Variants in TEP1 observed in about 807,000 individuals in gnomAD.
TEP1 encodes telomerase protein component 1.
A neutral mutation model predicts 306.3 loss-of-function variants in TEP1; 241 were observed. The ratio of observed to expected loss-of-function variants is 0.79; its 90% CI spans 0.71 to 0.88. TEP1 has a LOEUF of 0.88. Among genes scored for constraint, TEP1 ranks in the 40% least tolerant of loss-of-function variants. The pLI, the probability that TEP1 is intolerant of heterozygous loss-of-function variation, is 0.00. For synonymous variants in TEP1, 1,289 were observed against 1,305.5 expected (o/e 0.99, Z 0.27); for missense variants, 3,051 against 3,276.1 (o/e 0.93, Z 1.68).
intron 41 of TEP1, 65 bp downstream of exon 41, chr14:20,377,215 T>TAAAA: frequency 3.5e-6 from 4 of 1,133,512 alleles, no homozygotes; most frequent in Non-Finnish European, 4.8e-6. Context: ...AGCTCTGTCT[T>TAAAA]AAAAAAAAAA....
At position 20,366,229 on chromosome 14, in the gene TEP1, T is replaced by C. The variant is rs11555905; in HGVS notation, c.*2208A>G. 1 of 152,234 alleles carries C rather than the reference T, an allele frequency of 6.6e-6. No homozygotes were observed. The highest frequency in any genetic ancestry group is 1.5e-5 in the Non-Finnish European group (1 of 68,032). The allele number at this position is 152,234 out of a possible 1,614,324, so 9.4% of individuals were successfully genotyped here. A position where few individuals can be genotyped will look rare whatever the true frequency, so the allele number is the denominator to read the frequency against. ...TGGTCAAGTTAGCCTTTGCTTAACT[T>C]TCCCCAACCCCTTCACTCCAGCCTT... is the stretch of plus-strand genomic sequence containing the variant. On this transcript the variant is annotated 3_prime_UTR_variant, in exon 55 of 55. Transcript: ENST00000262715.
chr14:20,377,947 A>T, intron 39 of TEP1, 77 bp downstream of exon 39: 1 of 1,549,192 alleles, frequency 6.5e-7, no homozygotes, highest in African/African-American at 1.4e-5. Context: ...TCGACAAAGG[A>T]CCCCCACCCC....
At position 20,384,519 on chromosome 14, in the gene TEP1, A is replaced by G; in HGVS notation, c.3222-11T>C. On this transcript the variant is annotated splice_polypyrimidine_tract_variant and intron_variant, in intron 22 of 54. Transcript: ENST00000262715. ...CACTCACAGGGGTATCTGTGGGCAA[A>G]TCAAGCACAACCAGGTCAGAGCAGG... The G allele has an allele frequency of 6.2e-7, 1 of 1,613,972 alleles. No individual in the cohort carries two copies. Among genetic ancestry groups the G allele is most frequent in the South Asian group, 1.1e-5 (1 of 91,070 alleles).
intron 9 of TEP1, among the ~76,000 whole-genome samples, chr14:20,398,181 C>T (rs1249435201): frequency 1.3e-5 from 2 of 151,788 alleles, no homozygotes; most frequent in Non-Finnish European, 2.9e-5. Flanking sequence ...AGATCAAGAC[C>T]ATCCTCGCTA....
In TEP1 at chr14:20,383,876, C is replaced by A. The variant is rs537255870; in HGVS notation, c.3577G>T (p.Val1193Leu). The stretch of plus-strand genomic sequence containing the variant: ...AAGTGGAAGAAGACTAATGATGCCA[C>A]CTTGGCCCCATCAGGAGCCTGCAGG... ...SALQAPDGAK[V>L]ASLVFFHFSG... Residue 1193 changes from valine to leucine, a missense_variant, in exon 25 of 55, where the codon GTG (valine) becomes TTG (leucine). Physicochemically the swap from Val to Leu is conservative, Grantham distance 32. Transcript: ENST00000262715. 1 of 1,601,870 alleles carries A rather than the reference C, an allele frequency of 6.2e-7. No homozygotes were observed. Among genetic ancestry groups the A allele is most frequent in the African/African-American group, 1.3e-5 (1 of 75,032 alleles).
At position 20,368,367 on chromosome 14, in the gene TEP1, A is replaced by G. The variant is rs574994014; in HGVS notation, c.*70T>C. The G allele has an allele frequency of 3.1e-5, 46 of 1,497,574 alleles. No individual in the cohort carries two copies. In the East Asian group the frequency reaches 1.1e-3, roughly 35 times the overall value. 92.8% of individuals were successfully genotyped at this position (1,497,574 alleles called of 1,614,324 possible). On this transcript the variant is annotated 3_prime_UTR_variant, in exon 55 of 55. Transcript: ENST00000262715. ...GAAATTATTAATTTTATAATTATTA[A>G]AAGCTACCAGTGTCTTCAGGCTTTG...
chr14:20,403,413 T>C lies in TEP1; in HGVS notation c.1230A>G (p.Pro410=). The stretch of plus-strand genomic sequence containing the variant: ...CTTCTCTGAGAAACCCTATGTACCT[T>C]GGAAAACATCTGTGAGAAAATGGAG... The part of the protein sequence containing the change: ...MEPPFSHRCF[P]RYIGFLREEQ... The change falls in exon 7 of 55, where the codon CCA becomes CCG. Residue 410 remains proline (P), a synonymous_variant. Transcript: ENST00000262715. The C allele has an allele frequency of 6.2e-7, 1 of 1,614,104 alleles. No individual in the cohort carries two copies.
intron 1 of TEP1, 63 bp from the exon 2 acceptor site, chr14:20,408,526 G>A: frequency 7.7e-7 from 1 of 1,303,018 alleles, no homozygotes; most frequent in Non-Finnish European, 1.0e-6. Context: ...TTGCATGAGA[G>A]CATATCTTCC....
In TEP1 at chr14:20,387,955, C is replaced by A; in HGVS notation, c.2634G>T (p.Arg878=). ...PPGKTGVQSL[R]PLEEDTPSPL... is the part of the protein sequence containing the mutation. Reference sequence around the variant, plus strand: ...GGCTTGGAGTGTCCTCTTCCAGTGGCCGGAGAGACTGGACCCCTGTCTTTC... The same window carrying A: ...GGCTTGGAGTGTCCTCTTCCAGTGGACGGAGAGACTGGACCCCTGTCTTTC... The change falls in exon 18 of 55, where the codon CGG becomes CGT. Residue 878 remains arginine (R), a synonymous_variant. Coordinates refer to ENST00000262715, the MANE Select transcript of TEP1 (RefSeq NM_007110.5). 1 of 1,613,980 alleles carries A rather than the reference C, an allele frequency of 6.2e-7. No homozygotes were observed. The highest frequency in any genetic ancestry group is 8.5e-7 in the Non-Finnish European group (1 of 1,179,970).
At chr14:20,377,545 C>A in intron 40 of TEP1, 53 bp from the exon 41 acceptor site, 3 of 1,612,536 alleles carry the variant, frequency 1.9e-6, no homozygotes, top group East Asian at 2.2e-5. Flanking sequence ...GGGTAGGGGG[C>A]AGGGGCTGCG....
chr14:20,386,304 G>T, intron 19 of TEP1, 109 bp from the exon 20 acceptor site: 1 of 1,593,844 alleles, frequency 6.3e-7, no homozygotes, highest in South Asian at 1.1e-5. Context: ...GTAAAGAAAA[G>T]GTAGGCTGCT....
intron 49 of TEP1, among the ~76,000 whole-genome samples, chr14:20,372,372 G>A (rs1412307637): frequency 1.2e-5 from 1 of 82,654 alleles, no homozygotes; most frequent in African/African-American, 3.9e-5. Context: ...ATGTGTGTGT[G>A]TGTGTGTATG....
At position 20,377,738 on chromosome 14, in the gene TEP1, C is replaced by T; in HGVS notation, c.5737G>A (p.Gly1913Arg). ...GEDGKVQVWS[G>R]SLGRPRGHLG... Reference sequence around the variant, plus strand: ...TGCCCACGGGGCCGACCCAGAGACCCTGACCACACCTGAACCTGGGAACCA... The same window carrying T: ...TGCCCACGGGGCCGACCCAGAGACCTTGACCACACCTGAACCTGGGAACCA... The change falls in exon 40 of 55, where the codon GGG (glycine) becomes AGG (arginine). Residue 1913 changes from glycine (G) to arginine (R), a missense_variant. By Grantham distance (125) the Gly-to-Arg change is moderately radical. Coordinates refer to ENST00000262715, the MANE Select transcript of TEP1 (RefSeq NM_007110.5). 3.1e-6 allele frequency: 5 copies of T among 1,613,752 alleles called. No homozygotes were observed. Among genetic ancestry groups the T allele is most frequent in the Non-Finnish European group, 4.2e-6 (5 of 1,179,936 alleles).
At position 20,373,808 on chromosome 14, in the gene TEP1, C is replaced by T; in HGVS notation, c.6474G>A (p.Glu2158=). 1.2e-6 allele frequency: 2 copies of T among 1,612,694 alleles called. No individual in the cohort carries two copies. The highest frequency in any genetic ancestry group is 1.7e-6 in the Non-Finnish European group (2 of 1,179,808). Residue 2158 remains glutamate, a splice_region_variant and synonymous_variant, in exon 45 of 55, where the codon GAG becomes GAA. Coordinates refer to ENST00000262715, the MANE Select transcript of TEP1 (RefSeq NM_007110.5). The part of the protein sequence containing the change: ...QSAVSAVAAV[E]EHVVSVSRDG... Reference sequence around the variant, plus strand: ...CCCGGCTCACAGACACCACGTGCTCCTCCTGCCCACAGAGCACAAGATCAG... The same window carrying T: ...CCCGGCTCACAGACACCACGTGCTCTTCCTGCCCACAGAGCACAAGATCAG...
chr14:20,377,426 T>G lies in TEP1; in HGVS notation c.5942A>C (p.Lys1981Thr). Residue 1981 changes from lysine (K) to threonine (T), a missense_variant, in exon 41 of 55, where the codon AAG becomes ACG. Coordinates refer to ENST00000262715, the MANE Select transcript of TEP1 (RefSeq NM_007110.5). ...ATCTTCTGCACCACTCACCAATACC[T>G]TGGGGCTTAGCCAGGCCAGGGCGGA... ...AVSALAWLSP[K>T]VLVSGAEDGS... The G allele has an allele frequency of 1.2e-6, 2 of 1,614,052 alleles. No individual in the cohort carries two copies. The highest frequency in any genetic ancestry group is 1.7e-6 in the Non-Finnish European group (2 of 1,179,998).
At chr14:20,377,229 A>T in intron 41 of TEP1, 51 bp downstream of exon 41, 5 of 1,405,146 alleles carry the variant, frequency 3.6e-6, no homozygotes, top group Non-Finnish European at 3.9e-6. Flanking sequence ...AAAAAAAAAA[A>T]GAAAAGAAAA....
In TEP1 at chr14:20,371,110, T is replaced by G. The variant is rs1410151795; in HGVS notation, c.7317+108A>C. On this transcript the variant is annotated intron_variant, in intron 51 of 54. Coordinates refer to ENST00000262715, the MANE Select transcript of TEP1 (RefSeq NM_007110.5). ...CCAGTTGAAGGAGGATAAGAGGATT[T>G]GCAGCCAACTGCCTTTCCCTTCCCT... 3.4e-6 allele frequency: 3 copies of G among 886,656 alleles called. No homozygotes were observed. In the African/African-American group the frequency reaches 5.0e-5, roughly 15 times the overall value. 54.9% of individuals were successfully genotyped at this position (886,656 alleles called of 1,614,324 possible).
chr14:20,408,272 A>G lies in TEP1; in HGVS notation c.168T>C (p.Pro56=), dbSNP rs1428933443. The change falls in exon 2 of 55, where the codon CCT becomes CCC. Residue 56 remains proline, a synonymous_variant. Coordinates refer to ENST00000262715, the MANE Select transcript of TEP1 (RefSeq NM_007110.5). ...SLKNQCLATL[P]DLKTMEKPHG... ...GTGGTTTTTCCATGGTCTTCAGGTC[A>G]GGAAGCGTGGCTAGGCACTGGTTCT... 6.2e-7 allele frequency: 1 copy of G among 1,613,416 alleles called. No individual in the cohort carries two copies. Among genetic ancestry groups the G allele is most frequent in the Non-Finnish European group, 8.5e-7 (1 of 1,179,508 alleles).
chr14:20,378,570 G>A (rs10151816), intron 37 of TEP1, 35 bp from the exon 38 acceptor site: 2 of 1,613,526 alleles, frequency 1.2e-6, no homozygotes, highest in Admixed American at 1.7e-5. Context: ...GGATGCTGAA[G>A]AGAGATGCCT....
Sources: gnomAD v4.1 joint callset for allele counts (sites outside exome capture counted in the v4.1 genomes callset) on GRCh38, gnomAD v4.1.1 for gene constraint, MANE v1.5 for transcripts, NCBI Gene and HGNC (gene_info 2026-07-23, HGNC 2026-07-21) for gene names.